Variants in PPP4R3B observed in about 807,000 individuals in gnomAD.
The protein encoded by PPP4R3B is protein phosphatase 4 regulatory subunit 3B, also known as serine/threonine-protein phosphatase 4 regulatory subunit 3B.
In PPP4R3B, 52 loss-of-function variants were observed where a neutral mutation model predicts 95.4. That is an observed-to-expected ratio of 0.54 (90% CI 0.44 to 0.69). PPP4R3B has a LOEUF of 0.69. Among genes scored for constraint, PPP4R3B ranks in the 30% least tolerant of loss-of-function variants. The pLI is 0.00. For missense variants in PPP4R3B, 1,003 were observed against 1,005.9 expected (o/e 1.00, Z 0.04); for synonymous variants, 407 against 343.9 (o/e 1.18, Z -2.03).
At chr2:55,604,243 T>C (rs915290395) in intron 2 of PPP4R3B, among the ~76,000 whole-genome samples, 167 bp from the exon 3 acceptor site, 2 of 152,186 alleles carry the variant, frequency 1.3e-5, no homozygotes, top group South Asian at 2.1e-4. Flanking sequence ...GGCAATACAA[T>C]AGTAGCTTTG....
chr2:55,612,580 TA>T (rs1266383817), intron 2 of PPP4R3B, among the ~76,000 whole-genome samples: 1 of 152,084 alleles, frequency 6.6e-6, no homozygotes, highest in Non-Finnish European at 1.5e-5. Context: ...AGTTTTGTAA[TA>T]AATTTTTTAA....
At chr2:55,558,742 A>G (rs763711382) in intron 16 of PPP4R3B, 33 bp downstream of exon 16, 55 of 1,421,966 alleles carry the variant, frequency 3.9e-5, no homozygotes, top group Non-Finnish European at 4.4e-5. Flanking sequence ...AGACGGGAAA[A>G]GCAAAGTTTG....
intron 15 of PPP4R3B, among the ~76,000 whole-genome samples, chr2:55,559,420 G>A (rs1686296445): frequency 6.6e-6 from 1 of 152,078 alleles, no homozygotes; most frequent in Non-Finnish European, 1.5e-5. Flanking sequence ...TTTTGAAAAA[G>A]AACATGATGT....
At position 55,591,277 on chromosome 2, in the gene PPP4R3B, C is replaced by T. The variant is rs72803575; in HGVS notation, c.922-2321G>A. On this transcript the variant is annotated intron_variant, in intron 4 of 16. Coordinates refer to ENST00000616407, the MANE Select transcript of PPP4R3B (RefSeq NM_001122964.3). Reference sequence around the variant, plus strand: ...TCAGACTCCCATGTAACAGAGACTGCGGGCACGTGCCACCATACCTGGCTA... The same window carrying T: ...TCAGACTCCCATGTAACAGAGACTGTGGGCACGTGCCACCATACCTGGCTA... Among the ~76,000 whole-genome samples, 283 of 151,682 alleles carry T rather than the reference C, an allele frequency of 1.9e-3. 2 individuals carry two copies. In the Middle Eastern group the frequency reaches 0.024, roughly 13 times the overall value.
intron 7 of PPP4R3B, among the ~76,000 whole-genome samples, chr2:55,583,792 T>A (rs531613925): frequency 2.0e-5 from 3 of 152,264 alleles, no homozygotes; most frequent in African/African-American, 7.2e-5. Context: ...CTAACAAACA[T>A]AGAAAGTATA....
Position 55,558,789 on chromosome 2 carries a change from C to T in PPP4R3B, c.2440G>A (p.Val814Ile), listed in dbSNP as rs773777310. 2 of 1,607,774 alleles carry T rather than the reference C, an allele frequency of 1.2e-6. No individual in the cohort carries two copies. The highest frequency in any genetic ancestry group is 2.2e-5 in the South Asian group (2 of 90,208). Residue 814 changes from valine (V) to isoleucine (I), a missense_variant, in exon 16 of 17, where the codon GTA becomes ATA. Val to Ile is a conservative substitution (Grantham distance 29, BLOSUM62 3). Coordinates refer to ENST00000616407, the MANE Select transcript of PPP4R3B (RefSeq NM_001122964.3). The part of the protein sequence containing the change: ...SSKTTNLPTS[V>I]TATKGSLVGL... ...GTTTCACCTACCTTGGTGGCTGTTA[C>T]TGACGTAGGCAAGTTTGTGGTTTTG...
chr2:55,563,966 T>A (rs1686959583), intron 15 of PPP4R3B, among the ~76,000 whole-genome samples: 1 of 152,174 alleles, frequency 6.6e-6, no homozygotes, highest in Non-Finnish European at 1.5e-5. Context: ...GGCAAAGTAC[T>A]CTAGAAGGTT....
intron 4 of PPP4R3B, among the ~76,000 whole-genome samples, chr2:55,592,383 G>A (rs967286035): frequency 1.3e-5 from 2 of 152,206 alleles, no homozygotes; most frequent in South Asian, 2.1e-4. Flanking sequence ...AACTTCAAAC[G>A]TATGAATCAA....
intron 16 of PPP4R3B, among the ~76,000 whole-genome samples, chr2:55,551,704 T>C (rs1431877282): frequency 2.6e-5 from 4 of 151,810 alleles, no homozygotes; most frequent in Admixed American, 6.6e-5. Flanking sequence ...TGAGCCAAGA[T>C]TGCACCACTG....
chr2:55,593,489 G>A (rs996370954), intron 4 of PPP4R3B, among the ~76,000 whole-genome samples: 11 of 152,100 alleles, frequency 7.2e-5, no homozygotes, highest in African/African-American at 2.7e-4. Flanking sequence ...AAGTTAATGC[G>A]CATTTAAGAA....
rs374287571 is a variant in PPP4R3B at position 55,547,451 on chromosome 2, G to A, written c.*2460C>T. On this transcript the variant is annotated 3_prime_UTR_variant, in exon 17 of 17. Transcript: ENST00000616407. ...AACCCAGATCTGCCTGAGGGTAGTC[G>A]TTTAAAGACAGCCGCTAACATGGAA... 2.5e-4 allele frequency: 38 copies of A among 152,318 alleles called. No individual in the cohort carries two copies. The highest frequency in any genetic ancestry group is 8.7e-4 in the African/African-American group (36 of 41,574). The allele number at this position is 152,318 out of a possible 1,614,324, so 9.4% of individuals were successfully genotyped here. A position where few individuals can be genotyped will look rare whatever the true frequency, so the allele number is the denominator to read the frequency against.
At chr2:55,563,879 T>C (rs1257414061) in intron 15 of PPP4R3B, among the ~76,000 whole-genome samples, 2 of 152,238 alleles carry the variant, frequency 1.3e-5, no homozygotes, top group Non-Finnish European at 2.9e-5. Context: ...TATATCTTTA[T>C]GTAACTTTTG....
At position 55,584,217 on chromosome 2, in the gene PPP4R3B, A is replaced by AT. The variant is rs535561204; in HGVS notation, c.1233+833dup. On this transcript the variant is annotated intron_variant, in intron 7 of 16. Transcript: ENST00000616407. ...ACTTAAAACTGAGGCATTTTTAATA[A>AT]TAAAAAAAGAGTACTTTTAATTATA... Among the ~76,000 whole-genome samples, 185 of 152,348 alleles carry AT rather than the reference A, an allele frequency of 1.2e-3. 1 individual carries two copies. Among genetic ancestry groups the AT allele is most frequent in the Middle Eastern group, 0.01 (3 of 294 alleles).
chr2:55,565,118 A>C, intron 13 of PPP4R3B, 77 bp from the exon 14 acceptor site: 1 of 1,210,502 alleles, frequency 8.3e-7, no homozygotes, highest in Non-Finnish European at 1.1e-6. Flanking sequence ...TTTGTTTTGT[A>C]GTTCTAAAGC....
chr2:55,597,564 G>C (rs564885362), intron 4 of PPP4R3B, among the ~76,000 whole-genome samples: 8 of 152,264 alleles, frequency 5.3e-5, no homozygotes, highest in African/African-American at 1.9e-4. Flanking sequence ...GGAGCTTGCA[G>C]TGAGCCAAGA....
intron 15 of PPP4R3B, among the ~76,000 whole-genome samples, chr2:55,560,575 G>C (rs992293728): frequency 1.3e-5 from 2 of 151,926 alleles, no homozygotes; most frequent in African/African-American, 4.8e-5. Flanking sequence ...TCAGGAGTTG[G>C]AGACCAGCCT....
At chr2:55,582,476 G>A (rs1436271513) in intron 7 of PPP4R3B, among the ~76,000 whole-genome samples, 2 of 152,086 alleles carry the variant, frequency 1.3e-5, no homozygotes, top group African/African-American at 4.8e-5. Flanking sequence ...TCTATTTTCT[G>A]ATTGGGAAAT....
At chr2:55,550,812 C>T (rs369690938) in intron 16 of PPP4R3B, among the ~76,000 whole-genome samples, 1 of 152,050 alleles carries the variant, frequency 6.6e-6, no homozygotes, top group African/African-American at 2.4e-5. Context: ...ACTGAGGTAT[C>T]GGGTTTTACC....
At chr2:55,592,217 T>C (rs1488969517) in intron 4 of PPP4R3B, among the ~76,000 whole-genome samples, 1 of 152,150 alleles carries the variant, frequency 6.6e-6, no homozygotes. Context: ...GACTGTCAAG[T>C]CCAATTTTAA....
Sources: gnomAD v4.1 joint callset for allele counts (sites outside exome capture counted in the v4.1 genomes callset) on GRCh38, gnomAD v4.1.1 for gene constraint, MANE v1.5 for transcripts, NCBI Gene and HGNC (gene_info 2026-07-23, HGNC 2026-07-21) for gene names.